The following GAPVD1 variants were observed in gnomAD, a reference collection of about 807,000 sequenced individuals.
GAPVD1 encodes GTPase-activating protein and VPS9 domain-containing protein 1.
In GAPVD1, 35 loss-of-function variants were observed where a neutral mutation model predicts 155.5. The ratio of observed to expected loss-of-function variants is 0.23; its 90% CI spans 0.17 to 0.30. The LOEUF is 0.30. GAPVD1 is among the 10% of genes least tolerant of loss of function. The pLI is 1.00. For missense variants in GAPVD1, 1,429 were observed against 1,775.7 expected, an observed-to-expected ratio of 0.80 and a Z score of 3.51; for synonymous variants, 636 against 619.7, an observed-to-expected ratio of 1.03 and a Z score of -0.39.
At chr9:125,305,386 T>G (rs1036632234) in intron 6 of GAPVD1, among the ~76,000 whole-genome samples, 2 of 150,136 alleles carry the variant, frequency 1.3e-5, no homozygotes, top group African/African-American at 2.4e-5. Context: ...TTTTTTTTTT[T>G]TTTTTGAGAT....
chr9:125,319,512 C>G (rs757098452), intron 9 of GAPVD1, among the ~76,000 whole-genome samples: 16 of 150,944 alleles, frequency 1.1e-4, no homozygotes, highest in Non-Finnish European at 2.1e-4. Context: ...TCAAGTGATT[C>G]TCCAGCCTCC....
intron 2 of GAPVD1, among the ~76,000 whole-genome samples, chr9:125,270,875 G>A (rs549867131): frequency 4.3e-4 from 65 of 152,272 alleles, no homozygotes; most frequent in African/African-American, 1.4e-3. Context: ...CCTGGGAGTG[G>A]GAGGCAGAGG....
intron 10 of GAPVD1, among the ~76,000 whole-genome samples, chr9:125,323,491 G>A (rs1213547886): frequency 6.6e-6 from 1 of 152,082 alleles, no homozygotes. Flanking sequence ...ATTTTTAGTA[G>A]AGGCTGGGTT....
At chr9:125,329,112 GGGGAGAGGGAGA>G (rs372681640) in intron 12 of GAPVD1, among the ~76,000 whole-genome samples, 4 of 152,158 alleles carry the variant, frequency 2.6e-5, no homozygotes, top group Non-Finnish European at 5.9e-5. Context: ...GGGAGACCGT[GGGGAGAGGGAGA>G]GGGAGAGGGA....
chr9:125,330,856 C>T (rs1457843385), intron 13 of GAPVD1, among the ~76,000 whole-genome samples: 1 of 152,134 alleles, frequency 6.6e-6, no homozygotes, highest in Non-Finnish European at 1.5e-5. Context: ...ATAAGAGTAG[C>T]AACACAGTTC....
chr9:125,262,157 T>TG (rs1191623475), intron 1 of GAPVD1, among the ~76,000 whole-genome samples, 198 bp downstream of exon 1: 1 of 151,460 alleles, frequency 6.6e-6, no homozygotes, highest in Non-Finnish European at 1.5e-5. Flanking sequence ...AGGGGAGAGA[T>TG]GTGGCGGCGC....
intron 17 of GAPVD1, among the ~76,000 whole-genome samples, chr9:125,339,871 C>T (rs1486501699): frequency 6.6e-6 from 1 of 152,206 alleles, no homozygotes; most frequent in African/African-American, 2.4e-5. Context: ...GTTAACTCTT[C>T]CCTGGCACAG....
intron 9 of GAPVD1, among the ~76,000 whole-genome samples, chr9:125,320,754 T>G (rs912056325): frequency 6.6e-6 from 1 of 151,876 alleles, no homozygotes; most frequent in Non-Finnish European, 1.5e-5. Context: ...GCCTCCCGAG[T>G]AGCTGGGACT....
At chr9:125,272,860 G>A (rs1430996529) in intron 2 of GAPVD1, among the ~76,000 whole-genome samples, 1 of 152,126 alleles carries the variant, frequency 6.6e-6, no homozygotes, top group African/African-American at 2.4e-5. Flanking sequence ...TGGACTCTTG[G>A]ATCTTGAAAC....
Position 125,323,870 on chromosome 9 carries a change from G to A in GAPVD1, c.1805G>A (p.Gly602Glu). The A allele has an allele frequency of 6.2e-7, 1 of 1,613,646 alleles. No individual in the cohort carries two copies. The highest frequency in any genetic ancestry group is 8.5e-7 in the Non-Finnish European group (1 of 1,179,646). ...EGESVSELGAGPSGSNGVEAL... is the reference protein window; with the variant it reads ...EGESVSELGAEPSGSNGVEAL... ...GAGTCTGTGTCAGAACTTGGAGCAG[G>A]ACCTTCTGGCAGTAATGGAGTTGAA... Residue 602 changes from glycine (G) to glutamate (E), a missense_variant, in exon 11 of 28, where the codon GGA becomes GAA. Physicochemically the swap from Gly to Glu is moderately conservative, Grantham distance 98. This residue lies in a region of GAPVD1 where 628 missense variants were observed against 733.4 expected (regional missense o/e 0.86). Transcript: ENST00000297933.
chr9:125,355,750 T>C lies in GAPVD1; in HGVS notation c.3864T>C (p.Ser1288=), dbSNP rs373970988. Residue 1288 remains serine, a synonymous_variant, in exon 25 of 28, where the codon AGT becomes AGC. Coordinates refer to ENST00000297933, the MANE Select transcript of GAPVD1 (RefSeq NM_001282680.3). ...AGGATGTCATATGGCAAAACGCGAG[T>C]GAAGAACAGCTTCAAGATGCACAGC... The part of the protein sequence containing the change: ...MAQDVIWQNA[S]EEQLQDAQLA... 1.2e-6 allele frequency: 2 copies of C among 1,613,088 alleles called. No homozygotes were observed. Among genetic ancestry groups the C allele is most frequent in the African/African-American group, 2.7e-5 (2 of 74,882 alleles).
chr9:125,322,493 C>T (rs1844481118), intron 10 of GAPVD1, among the ~76,000 whole-genome samples: 1 of 152,122 alleles, frequency 6.6e-6, no homozygotes, highest in South Asian at 2.1e-4. Context: ...GTTCATTCTA[C>T]AAAACAGAGA....
intron 9 of GAPVD1, among the ~76,000 whole-genome samples, chr9:125,314,789 C>CTTTT (rs35084399): frequency 2.1e-5 from 3 of 140,828 alleles, no homozygotes; most frequent in South Asian, 4.5e-4. Flanking sequence ...GTAGCAGCTT[C>CTTTT]TTTTTTTTTT....
At position 125,332,034 on chromosome 9, in the gene GAPVD1, G is replaced by A; in HGVS notation, c.2282G>A (p.Ser761Asn). 1 of 1,614,064 alleles carries A rather than the reference G, an allele frequency of 6.2e-7. No individual in the cohort carries two copies. Among genetic ancestry groups the A allele is most frequent in the Non-Finnish European group, 8.5e-7 (1 of 1,179,966 alleles). Reference protein sequence around the residue: ...TDVREVSSRPSTPGLSVVSGI... With the variant: ...TDVREVSSRPNTPGLSVVSGI... ...GTCAGGGAGGTCAGTTCCCGCCCCA[G>A]CACACCAGGCCTCAGTGTTGTGTCC... The change falls in exon 14 of 28, where the codon AGC becomes AAC. Residue 761 changes from serine to asparagine, a missense_variant. Ser to Asn is a conservative substitution (Grantham distance 46, BLOSUM62 1). Coordinates refer to ENST00000297933, the MANE Select transcript of GAPVD1 (RefSeq NM_001282680.3).
At chr9:125,348,886 C>T (rs866507742) in intron 20 of GAPVD1, among the ~76,000 whole-genome samples, 2 of 152,110 alleles carry the variant, frequency 1.3e-5, no homozygotes, top group African/African-American at 4.8e-5. Flanking sequence ...TGATTTGGTC[C>T]CTTGACTCAC....
intron 19 of GAPVD1, chr9:125,345,869 G>A (rs1471305553): frequency 6.8e-6 from 1 of 147,886 alleles, no homozygotes; most frequent in African/African-American, 2.4e-5. Flanking sequence ...ACACATAAGT[G>A]TGTGTGTGTG....
chr9:125,302,520 T>C lies in GAPVD1; in HGVS notation c.723T>C (p.Asp241=), dbSNP rs748967334. Reference sequence around the variant, plus strand: ...AACTCTTTGGAGAGAAGGGCTCAGATAGATTCAGGCAAAAAGTTCAAGAAA... The same window carrying C: ...AACTCTTTGGAGAGAAGGGCTCAGACAGATTCAGGCAAAAAGTTCAAGAAA... ...QEKLFGEKGS[D]RFRQKVQEMV... Residue 241 remains aspartate (D), a synonymous_variant, in exon 5 of 28, where the codon GAT becomes GAC. Transcript: ENST00000297933. 1.2e-6 allele frequency: 2 copies of C among 1,613,884 alleles called. No individual in the cohort carries two copies. Among genetic ancestry groups the C allele is most frequent in the East Asian group, 4.5e-5 (2 of 44,896 alleles).
Position 125,307,539 on chromosome 9 carries a change from A to G in GAPVD1, c.1243A>G (p.Ile415Val), listed in dbSNP as rs988100515. ...GGTTTATATAACCTACAGTCAGCTT[A>G]TTACTCTGGTAATGGCTTCATTGTT... is the stretch of plus-strand genomic sequence containing the variant. Reference protein sequence around the residue: ...TVVYITYSQLITLVNFMKSVM... With the variant: ...TVVYITYSQLVTLVNFMKSVM... The change falls in exon 7 of 28, where the codon ATT becomes GTT. Residue 415 changes from isoleucine (I) to valine (V), a missense_variant. By Grantham distance (29) the Ile-to-Val change is conservative. Around this residue, in one of 4 missense-constraint regions of GAPVD1, gnomAD observed 628 missense variants for 733.4 expected, o/e 0.86. Coordinates refer to ENST00000297933, the MANE Select transcript of GAPVD1 (RefSeq NM_001282680.3). The G allele has an allele frequency of 1.1e-5, 18 of 1,609,710 alleles. No individual in the cohort carries two copies. The highest frequency in any genetic ancestry group is 1.4e-5 in the Non-Finnish European group (16 of 1,178,244).
chr9:125,295,469 G>A lies in GAPVD1; in HGVS notation c.-138G>A, dbSNP rs1373320346. 3 of 123,282 alleles carry A rather than the reference G, an allele frequency of 2.4e-5. No individual in the cohort carries two copies. The highest frequency in any genetic ancestry group is 1.0e-4 in the Admixed American group (1 of 9,760). 7.6% of individuals were successfully genotyped at this position (123,282 alleles called of 1,614,324 possible). A position where few individuals can be genotyped will look rare whatever the true frequency, so the allele number is the denominator to read the frequency against. On this transcript the variant is annotated 5_prime_UTR_variant, in exon 3 of 28. Transcript: ENST00000297933. The stretch of plus-strand genomic sequence containing the variant: ...TTTTTTTGGGACAGGGTCTGGCTCT[G>A]TCACCCAGGCTGGAGTGCAGTGACA...
Sources: gnomAD v4.1 joint callset for allele counts (sites outside exome capture counted in the v4.1 genomes callset) on GRCh38, gnomAD v4.1.1 for gene constraint, gnomAD v4.1.1 regional missense constraint, MANE v1.5 for transcripts, NCBI Gene and HGNC (gene_info 2026-07-23, HGNC 2026-07-21) for gene names.